The following DGKI variants were observed in gnomAD, a reference collection of about 807,000 sequenced individuals.
The protein encoded by DGKI is diacylglycerol kinase iota.
Under a neutral mutation model 147.5 loss-of-function variants are expected in DGKI, and 55 were observed. The observed-to-expected ratio is 0.37, with a 90% CI of 0.30 to 0.47. The LOEUF (loss-of-function observed/expected upper bound fraction) is 0.47, where lower values mean the gene tolerates loss of function less well. Among genes scored for constraint, DGKI ranks in the 20% least tolerant of loss-of-function variants. DGKI has a pLI of 1.00. For missense variants in DGKI, 1,007 were observed against 1,323.8 expected (o/e 0.76, Z 3.71); for synonymous variants, 469 against 477.1 (o/e 0.98, Z 0.22).
chr7:137,628,352 G>A (rs1425423580), intron 6 of DGKI, among the ~76,000 whole-genome samples: 1 of 152,184 alleles, frequency 6.6e-6, no homozygotes, highest in African/African-American at 2.4e-5. Flanking sequence ...TCAACTCTGT[G>A]CTTTGTTTTA....
chr7:137,554,307 A>G (rs1038660774), intron 19 of DGKI, among the ~76,000 whole-genome samples: 1 of 152,216 alleles, frequency 6.6e-6, no homozygotes, highest in Non-Finnish European at 1.5e-5. Flanking sequence ...TTAGCATCTT[A>G]TAAGACATAG....
At chr7:137,712,970 A>T (rs1794261245) in intron 1 of DGKI, among the ~76,000 whole-genome samples, 1 of 152,190 alleles carries the variant, frequency 6.6e-6, no homozygotes, top group Non-Finnish European at 1.5e-5. Context: ...TCAGCTTGGA[A>T]TTTCTAAGTA....
At chr7:137,523,613 G>T (rs569146984) in intron 20 of DGKI, among the ~76,000 whole-genome samples, 1 of 152,092 alleles carries the variant, frequency 6.6e-6, no homozygotes, top group Non-Finnish European at 1.5e-5. Flanking sequence ...ATTTCTGGGG[G>T]AAATTTGAAA....
At chr7:137,575,705 C>A (rs1037805610) in intron 17 of DGKI, among the ~76,000 whole-genome samples, 5 of 152,164 alleles carry the variant, frequency 3.3e-5, no homozygotes, top group African/African-American at 1.2e-4. Flanking sequence ...GCCCTGTGTT[C>A]TTGTATCTAG....
In DGKI at chr7:137,443,934, T is replaced by C. The variant is rs542445112; in HGVS notation, c.2761+143A>G. On this transcript the variant is annotated intron_variant, in intron 28 of 32. Coordinates refer to ENST00000614521, the MANE Select transcript of DGKI (RefSeq NM_001321708.2). ...AGGGTGATTTAAGTTTTTAAAAGTGTTTGACATTTCACATTCAAAAACCAC... is the reference window on the plus strand; with the variant it reads ...AGGGTGATTTAAGTTTTTAAAAGTGCTTGACATTTCACATTCAAAAACCAC... 91 of 677,136 alleles carry C rather than the reference T, an allele frequency of 1.3e-4. No individual in the cohort carries two copies. The African/African-American group carries it at 1.4e-3, about 11-fold the overall frequency. The allele number at this position is 677,136 out of a possible 1,614,324, so 41.9% of individuals were successfully genotyped here.
intron 6 of DGKI, among the ~76,000 whole-genome samples, chr7:137,630,198 ACT>A (rs982866734): frequency 2.6e-5 from 4 of 152,024 alleles, no homozygotes; most frequent in Non-Finnish European, 5.9e-5. Flanking sequence ...TTAATAAAAG[ACT>A]CTGAAAGTTT....
chr7:137,825,616 ACACACACACACTCT>A (rs1295731246), intron 1 of DGKI, among the ~76,000 whole-genome samples: 1 of 151,724 alleles, frequency 6.6e-6, no homozygotes, highest in Non-Finnish European at 1.5e-5. Context: ...CAACACACAG[ACACACACACACTCT>A]CACACACACA....
chr7:137,761,305 T>C (rs138013341), intron 1 of DGKI, among the ~76,000 whole-genome samples: 303 of 152,322 alleles, frequency 2.0e-3, no homozygotes, highest in African/African-American at 7.1e-3. Context: ...CATCCTTTCA[T>C]TTATGTTCAA....
chr7:137,405,275 T>C (rs1002071669), intron 30 of DGKI, among the ~76,000 whole-genome samples: 5 of 152,128 alleles, frequency 3.3e-5, no homozygotes, highest in Non-Finnish European at 5.9e-5. Flanking sequence ...AGACAGAGTC[T>C]GGCTCAGCTG....
chr7:137,843,731 A>G (rs1798620520), intron 1 of DGKI, among the ~76,000 whole-genome samples: 1 of 148,996 alleles, frequency 6.7e-6, no homozygotes, highest in Non-Finnish European at 1.5e-5. Flanking sequence ...TTCCTTAGCA[A>G]CAGAAGGAGC....
At chr7:137,814,173 C>T (rs538203986) in intron 1 of DGKI, among the ~76,000 whole-genome samples, 6 of 152,150 alleles carry the variant, frequency 3.9e-5, no homozygotes, top group African/African-American at 9.6e-5. Context: ...GGAAGCCACC[C>T]GGAGAGTAGG....
chr7:137,649,302 CTT>C (rs1406433826), intron 5 of DGKI, among the ~76,000 whole-genome samples: 3 of 152,178 alleles, frequency 2.0e-5, no homozygotes, highest in Non-Finnish European at 4.4e-5. Flanking sequence ...TTCTCACACT[CTT>C]TTCTTTTGAC....
At chr7:137,739,858 G>A (rs568549341) in intron 1 of DGKI, among the ~76,000 whole-genome samples, 35 of 152,280 alleles carry the variant, frequency 2.3e-4, no homozygotes, top group African/African-American at 7.0e-4. Context: ...TTGCAGAATC[G>A]AAATGGCAGT....
chr7:137,513,421 AC>A (rs906152728), intron 21 of DGKI, among the ~76,000 whole-genome samples: 3 of 152,182 alleles, frequency 2.0e-5, no homozygotes, highest in Non-Finnish European at 4.4e-5. Flanking sequence ...GTATTATCTT[AC>A]AAATTAAAAA....
At chr7:137,527,579 T>C (rs1817195789) in intron 20 of DGKI, among the ~76,000 whole-genome samples, 1 of 152,194 alleles carries the variant, frequency 6.6e-6, no homozygotes, top group Non-Finnish European at 1.5e-5. Flanking sequence ...CATTCTACAT[T>C]TTGTACCTTA....
At chr7:137,763,141 T>C (rs569885728) in intron 1 of DGKI, among the ~76,000 whole-genome samples, 1 of 152,348 alleles carries the variant, frequency 6.6e-6, no homozygotes, top group East Asian at 1.9e-4. Flanking sequence ...AGTGGTATGG[T>C]AAGGACTGCA....
At chr7:137,699,405 T>C (rs1196274984) in intron 1 of DGKI, among the ~76,000 whole-genome samples, 2 of 152,248 alleles carry the variant, frequency 1.3e-5, no homozygotes, top group Non-Finnish European at 2.9e-5. Context: ...CACACTGTCA[T>C]GGAAATGCCT....
chr7:137,771,570 GAATA>G (rs1031762065), intron 1 of DGKI: 12 of 152,186 alleles, frequency 7.9e-5, no homozygotes, highest in African/African-American at 2.4e-4. Context: ...CAAGAGAAAG[GAATA>G]AATAGATACC....
intron 6 of DGKI, among the ~76,000 whole-genome samples, chr7:137,634,086 C>T (rs750854990): frequency 2.0e-5 from 3 of 152,236 alleles, no homozygotes; most frequent in Non-Finnish European, 4.4e-5. Context: ...AGAATATCCT[C>T]TCCAATCTAA....
Sources: gnomAD v4.1 joint callset for allele counts (sites outside exome capture counted in the v4.1 genomes callset) on GRCh38, gnomAD v4.1.1 for gene constraint, MANE v1.5 for transcripts, NCBI Gene and HGNC (gene_info 2026-07-23, HGNC 2026-07-21) for gene names.